The following DYNC2H1 variants were observed in gnomAD, a reference collection of about 807,000 sequenced individuals.
DYNC2H1 encodes cytoplasmic dynein 2 heavy chain 1.
In DYNC2H1, 410 loss-of-function variants were observed where a neutral mutation model predicts 570.0. The observed-to-expected ratio is 0.72, with a 90% CI of 0.66 to 0.78. The LOEUF (loss-of-function observed/expected upper bound fraction) is 0.78, where lower values mean the gene tolerates loss of function less well. Among genes scored for constraint, DYNC2H1 ranks in the 30% least tolerant of loss-of-function variants. The pLI, the probability that DYNC2H1 is intolerant of heterozygous loss-of-function variation, is 0.00. For synonymous variants in DYNC2H1, 1,688 were observed against 1,677.6 expected (o/e 1.01, Z -0.15); for missense variants, 4,865 against 5,046.4 (o/e 0.96, Z 1.09).
chr11:103,438,054 C>A (rs1259639667), intron 85 of DYNC2H1, among the ~76,000 whole-genome samples: 1 of 151,954 alleles, frequency 6.6e-6, no homozygotes, highest in African/African-American at 2.4e-5. Context: ...AGGCATTTAA[C>A]CTTAATTGTA....
At chr11:103,441,526 C>A (rs1050489727) in intron 85 of DYNC2H1, among the ~76,000 whole-genome samples, 44 of 151,910 alleles carry the variant, frequency 2.9e-4, no homozygotes, top group African/African-American at 9.9e-4. Context: ...CTGTTTACTG[C>A]CCCATCCAAG....
chr11:103,405,845 A>T (rs1374212295), intron 84 of DYNC2H1: 1 of 151,982 alleles, frequency 6.6e-6, no homozygotes, highest in Admixed American at 6.6e-5. Context: ...GTAAGTGAAA[A>T]AAAGGTAAAA....
At chr11:103,458,540 A>T (rs945388774) in intron 87 of DYNC2H1, among the ~76,000 whole-genome samples, 37 of 152,160 alleles carry the variant, frequency 2.4e-4, no homozygotes, top group African/African-American at 8.9e-4. Flanking sequence ...GTATATAAAA[A>T]TTAGTATATA....
At position 103,170,017 on chromosome 11, in the gene DYNC2H1, T is replaced by G; in HGVS notation, c.4969-91T>G. On this transcript the variant is annotated intron_variant, in intron 32 of 88. Transcript: ENST00000375735. The surrounding 1 kb of genome is among the most constrained non-coding windows in gnomAD (Gnocchi z 4.8). Reference sequence around the variant, plus strand: ...AAACTTTAACCTGTTTGTTGCATTTTTATCTTTTTAACTACAATCTCATGC... The same window carrying G: ...AAACTTTAACCTGTTTGTTGCATTTGTATCTTTTTAACTACAATCTCATGC... 1 of 1,242,142 alleles carries G rather than the reference T, an allele frequency of 8.1e-7. No individual in the cohort carries two copies. Among genetic ancestry groups the G allele is most frequent in the Non-Finnish European group, 1.1e-6 (1 of 934,908 alleles). The allele number at this position is 1,242,142 out of a possible 1,614,324, so 76.9% of individuals were successfully genotyped here. A position where few individuals can be genotyped will look rare whatever the true frequency, so the allele number is the denominator to read the frequency against.
intron 13 of DYNC2H1, among the ~76,000 whole-genome samples, chr11:103,132,699 C>T (rs1859340621): frequency 6.6e-6 from 1 of 151,368 alleles, no homozygotes; most frequent in South Asian, 2.1e-4. Context: ...CTGGGCCCTA[C>T]AGTACCAAAG....
intron 52 of DYNC2H1, among the ~76,000 whole-genome samples, chr11:103,207,148 T>C (rs1178235296): frequency 1.3e-5 from 2 of 151,902 alleles, no homozygotes; most frequent in Non-Finnish European, 2.9e-5. Context: ...CTCGAGCTCC[T>C]GACCTCAATT....
chr11:103,351,591 AT>A lies in DYNC2H1; in HGVS notation c.12040-6650del, dbSNP rs1291132417. Among the ~76,000 whole-genome samples the A allele has an allele frequency of 3.6e-4, 54 of 151,630 alleles. No individual in the cohort carries two copies. The East Asian group carries it at 8.9e-3, about 25-fold the overall frequency. ...CGTGTTTCCTCTAAATATTGAGAAG[AT>A]TATATATTTTTTCTCCTTAATTTAT... On this transcript the variant is annotated intron_variant, in intron 82 of 88. Coordinates refer to ENST00000375735, the MANE Select transcript of DYNC2H1 (RefSeq NM_001377.3).
Position 103,223,398 on chromosome 11 carries a change from T to C in DYNC2H1, c.9353+312T>C, listed in dbSNP as rs542671138. Among the ~76,000 whole-genome samples, 233 of 152,298 alleles carry C rather than the reference T, an allele frequency of 1.5e-3. 1 individual carries two copies. Among genetic ancestry groups the C allele is most frequent in the Non-Finnish European group, 2.8e-3 (193 of 68,024 alleles). ...TTTGTTGTTGTCGTTTTTTGTTTTT[T>C]GTTTTTGAGACACAGTTTCGCTCTT... On this transcript the variant is annotated intron_variant, in intron 59 of 88. Coordinates refer to ENST00000375735, the MANE Select transcript of DYNC2H1 (RefSeq NM_001377.3).
chr11:103,309,264 T>G (rs1296266812), intron 78 of DYNC2H1, among the ~76,000 whole-genome samples: 1 of 144,694 alleles, frequency 6.9e-6, no homozygotes, highest in Non-Finnish European at 1.5e-5. Flanking sequence ...AGTCTCGACC[T>G]GCTGGGCTCA....
intron 84 of DYNC2H1, among the ~76,000 whole-genome samples, chr11:103,435,159 C>A (rs560151809): frequency 6.6e-6 from 1 of 152,256 alleles, no homozygotes; most frequent in African/African-American, 2.4e-5. Context: ...TAAATTTGGT[C>A]ATCTTACAAT....
chr11:103,138,281 A>C (rs1018866661), intron 17 of DYNC2H1, among the ~76,000 whole-genome samples: 1 of 151,868 alleles, frequency 6.6e-6, no homozygotes, highest in African/African-American at 2.4e-5. Flanking sequence ...AGGAGTGGTG[A>C]GAGAGGGCAT....
intron 32 of DYNC2H1, 133 bp from the exon 33 acceptor site, chr11:103,169,975 A>T (rs1474247739): frequency 2.4e-6 from 2 of 829,960 alleles, no homozygotes; most frequent in Non-Finnish European, 1.7e-6. Context: ...AAAATTTTGG[A>T]TATTTTTCTG....
chr11:103,147,873 A>G lies in DYNC2H1; in HGVS notation c.2804A>G (p.Lys935Arg), dbSNP rs1368914114. The stretch of plus-strand genomic sequence containing the variant: ...TTTGATCTGCTTGTTCTTTCTTTGA[A>G]GAAGTCCATACAGGGTAAATACACA... The part of the protein sequence containing the change: ...KLFDLLVLSL[K>R]KSIQAHLHEI... The change falls in exon 19 of 89, where the codon AAG becomes AGG. Residue 935 changes from lysine to arginine, a missense_variant. Coordinates refer to ENST00000375735, the MANE Select transcript of DYNC2H1 (RefSeq NM_001377.3). 1 of 1,606,190 alleles carries G rather than the reference A, an allele frequency of 6.2e-7. No homozygotes were observed. The highest frequency in any genetic ancestry group is 8.5e-7 in the Non-Finnish European group (1 of 1,174,694).
At chr11:103,162,852 G>A (rs1308284739) in intron 29 of DYNC2H1, among the ~76,000 whole-genome samples, 176 bp from the exon 30 acceptor site, 3 of 152,066 alleles carry the variant, frequency 2.0e-5, no homozygotes, top group African/African-American at 7.2e-5. Flanking sequence ...AGAAAATAAA[G>A]AATTATATTC....
In DYNC2H1 at chr11:103,325,523, G is replaced by C. The variant is rs1370707564; in HGVS notation, c.12039+1533G>C. On this transcript the variant is annotated intron_variant, in intron 82 of 88. Coordinates refer to ENST00000375735, the MANE Select transcript of DYNC2H1 (RefSeq NM_001377.3). This position sits in a 1 kb window ranked among gnomAD's most constrained non-coding sequence, Gnocchi z 4.8. ...TGTCAAAGATCGTCAGATTGTTGTA[G>C]GTGTGTAGCTTTATTTCTAGGCCCT... is the stretch of plus-strand genomic sequence containing the variant. Among the ~76,000 whole-genome samples the C allele has an allele frequency of 1.3e-5, 2 of 152,138 alleles. No homozygotes were observed.
intron 12 of DYNC2H1, among the ~76,000 whole-genome samples, chr11:103,125,725 A>G (rs1019596176): frequency 6.6e-6 from 1 of 152,138 alleles, no homozygotes; most frequent in Non-Finnish European, 1.5e-5. Context: ...AAAATCAACT[A>G]TTATCAGCTC....
intron 17 of DYNC2H1, among the ~76,000 whole-genome samples, chr11:103,140,491 GA>G (rs1463462428): frequency 5.3e-5 from 8 of 152,150 alleles, no homozygotes; most frequent in Non-Finnish European, 8.8e-5. Flanking sequence ...GGCTGGATAT[GA>G]AATTCTGGGT....
intron 10 of DYNC2H1, among the ~76,000 whole-genome samples, chr11:103,122,163 G>T (rs895157492): frequency 2.6e-5 from 4 of 152,118 alleles, no homozygotes; most frequent in Admixed American, 6.6e-5. Flanking sequence ...CTTACTAACT[G>T]GTATGTGGTT....
chr11:103,471,929 G>C (rs1945402911), intron 88 of DYNC2H1, among the ~76,000 whole-genome samples: 1 of 152,208 alleles, frequency 6.6e-6, no homozygotes, highest in Non-Finnish European at 1.5e-5. Context: ...ACCTCGCTGA[G>C]AGAGGTGGCA....
Sources: allele counts gnomAD v4.1 joint callset (sites outside exome capture counted in the v4.1 genomes callset), GRCh38; gene constraint gnomAD v4.1.1; non-coding constraint Gnocchi (gnomAD v3.1); transcripts MANE v1.5; gene names NCBI Gene and HGNC (gene_info 2026-07-23, HGNC 2026-07-21).